Variants in SCN1A observed in about 807,000 individuals in gnomAD.
SCN1A encodes the protein sodium channel protein type 1 subunit alpha.
A neutral mutation model predicts 193.7 loss-of-function variants in SCN1A; 13 were observed. That is an observed-to-expected ratio of 0.07 (90% confidence interval 0.04 to 0.11). The LOEUF is 0.11. Among genes scored for constraint, SCN1A ranks in the 10% least tolerant of loss-of-function variants. SCN1A has a pLI of 1.00. For missense variants in SCN1A, 1,432 were observed against 2,451.1 expected, an observed-to-expected ratio of 0.58 and a Z score of 8.78; for synonymous variants, 781 against 843.6, an observed-to-expected ratio of 0.93 and a Z score of 1.29.
upstream of SCN1A, among the ~76,000 whole-genome samples, chr2:166,130,148 A>G (rs1691600569): frequency 2.0e-5 from 3 of 152,216 alleles, no homozygotes; most frequent in Admixed American, 2.0e-4. Flanking sequence ...CTCAAACTCC[A>G]TGTTTGCTTA....
intron 28 of SCN1A, chr2:165,993,187 G>GTA (rs1689503078): frequency 1.2e-4 from 17 of 137,152 alleles, no homozygotes; most frequent in Admixed American, 7.6e-4. Context: ...AAGAGTGTGT[G>GTA]TGTGTGTGTG....
intron 2 of SCN1A, among the ~76,000 whole-genome samples, chr2:166,093,233 C>A (rs1429718844): frequency 1.3e-5 from 2 of 151,724 alleles, no homozygotes; most frequent in Non-Finnish European, 2.9e-5. Context: ...TGCAAGCATT[C>A]AGAAAGAATG....
At chr2:166,141,105 C>T (rs1692062896) in intron 1 of SCN1A, among the ~76,000 whole-genome samples, 1 of 152,098 alleles carries the variant, frequency 6.6e-6, no homozygotes, top group Non-Finnish European at 1.5e-5. Context: ...ATCAGCCATT[C>T]TGCCCTGCTC....
intron 20 of SCN1A, among the ~76,000 whole-genome samples, chr2:166,015,022 A>C (rs1338356554): frequency 1.3e-5 from 2 of 151,828 alleles, no homozygotes; most frequent in Non-Finnish European, 1.5e-5. Flanking sequence ...TCAAATAGAA[A>C]GTATGCATAT....
intron 7 of SCN1A, among the ~76,000 whole-genome samples, chr2:166,053,495 T>A (rs924426218): frequency 5.3e-5 from 8 of 152,024 alleles, no homozygotes; most frequent in African/African-American, 1.9e-4. Context: ...ATATATGAGA[T>A]AAGATTTTCC....
intron 23 of SCN1A, among the ~76,000 whole-genome samples, chr2:166,003,279 A>G (rs775405152): frequency 1.3e-5 from 2 of 151,596 alleles, no homozygotes; most frequent in Non-Finnish European, 1.5e-5. Flanking sequence ...ATGCATTGCT[A>G]TGACTAATAA....
rs370448530 is a variant in SCN1A at position 165,994,467 on chromosome 2, A to G, written c.4582-51T>C. On this transcript the variant is annotated intron_variant, in intron 27 of 28. Coordinates refer to ENST00000674923, the MANE Select transcript of SCN1A (RefSeq NM_001165963.4). ...ACAACAAAGGAGTTTTCTCATGTGC[A>G]TTAGCATTAAGTACTTTCTGCATTA... 21 of 1,551,046 alleles carry G rather than the reference A, an allele frequency of 1.4e-5. No homozygotes were observed. The African/African-American group carries it at 2.4e-4, about 18-fold the overall frequency.
intron 19 of SCN1A, chr2:166,016,746 A>G (rs996702537): frequency 1.3e-5 from 2 of 152,064 alleles, no homozygotes; most frequent in East Asian, 1.9e-4. Context: ...TGAAATATCT[A>G]TTGTCCTTAT....
intron 3 of SCN1A, among the ~76,000 whole-genome samples, chr2:166,076,513 A>C (rs12613942): frequency 0.18 from 27,375 of 148,934 alleles, 2,752 homozygotes; most frequent in East Asian, 0.35. Flanking sequence ...AAATCCCAGC[A>C]GTTATTTGTG....
At chr2:166,093,076 T>G (rs1686988756) in intron 2 of SCN1A, among the ~76,000 whole-genome samples, 1 of 151,906 alleles carries the variant, frequency 6.6e-6, no homozygotes, top group Non-Finnish European at 1.5e-5. Context: ...GGGTGATGTT[T>G]AAATGAAGTA....
chr2:166,142,400 G>C (rs1328641546), intron 1 of SCN1A, among the ~76,000 whole-genome samples: 1 of 152,092 alleles, frequency 6.6e-6, no homozygotes, highest in African/African-American at 2.4e-5. Flanking sequence ...AGTGTGGGAG[G>C]GTTGGCTAAT....
chr2:166,090,699 C>T (rs1370244281), intron 2 of SCN1A, among the ~76,000 whole-genome samples: 1 of 152,154 alleles, frequency 6.6e-6, no homozygotes, highest in Non-Finnish European at 1.5e-5. Flanking sequence ...TTTCACCTCC[C>T]ATGGTACCCA....
At chr2:166,081,409 G>C (rs908221078) in intron 2 of SCN1A, 3 of 151,800 alleles carry the variant, frequency 2.0e-5, no homozygotes, top group African/African-American at 7.3e-5. Flanking sequence ...TCTTCCTTTG[G>C]AGGGCAGCTC....
At chr2:166,064,540 G>A (rs933102629) in intron 4 of SCN1A, among the ~76,000 whole-genome samples, 16 of 152,030 alleles carry the variant, frequency 1.1e-4, no homozygotes, top group Non-Finnish European at 2.2e-4. Context: ...TATTTATGAA[G>A]CTATATTTGT....
chr2:166,125,190 G>A (rs924490040), intron 2 of SCN1A, among the ~76,000 whole-genome samples: 16 of 152,194 alleles, frequency 1.1e-4, no homozygotes, highest in African/African-American at 3.9e-4. Context: ...TAACCTCACG[G>A]AGCACAGCCC....
intron 12 of SCN1A, 29 bp downstream of exon 12, chr2:166,046,741 G>A (rs770013945): frequency 1.4e-5 from 23 of 1,604,874 alleles, no homozygotes; most frequent in Non-Finnish European, 1.8e-5. Flanking sequence ...ACGATAAAAG[G>A]TCAGTGCCAT....
At chr2:165,995,066 G>A (rs952576429) in intron 27 of SCN1A, among the ~76,000 whole-genome samples, 9 of 151,764 alleles carry the variant, frequency 5.9e-5, no homozygotes, top group Admixed American at 1.3e-4. Context: ...GTTCTTTGTC[G>A]TTGATCTGTG....
At chr2:166,113,151 A>T (rs548927440) in intron 2 of SCN1A, among the ~76,000 whole-genome samples, 1 of 151,492 alleles carries the variant, frequency 6.6e-6, no homozygotes, top group Non-Finnish European at 1.5e-5. Context: ...ATGCCAAGTT[A>T]TTATTGAATT....
intron 6 of SCN1A, among the ~76,000 whole-genome samples, chr2:166,055,419 G>A (rs1699030106): frequency 1.3e-5 from 2 of 151,746 alleles, no homozygotes; most frequent in African/African-American, 4.8e-5. Context: ...AACCTGTGGG[G>A]CCTCCCATAT....
Sources: allele counts gnomAD v4.1 joint callset (sites outside exome capture counted in the v4.1 genomes callset), GRCh38; gene constraint gnomAD v4.1.1; transcripts MANE v1.5; gene names NCBI Gene and HGNC (gene_info 2026-07-23, HGNC 2026-07-21).